The following CYFIP2 variants were observed in gnomAD, a reference collection of about 807,000 sequenced individuals.
CYFIP2 encodes the protein cytoplasmic FMR1-interacting protein 2.
In CYFIP2, 29 loss-of-function variants were observed where a neutral mutation model predicts 158.7. That is an observed-to-expected ratio of 0.18 (90% CI 0.14 to 0.25). The LOEUF (loss-of-function observed/expected upper bound fraction) is 0.25. CYFIP2 is among the 10% of genes least tolerant of loss of function. The probability of loss-of-function intolerance (pLI) is 1.00; values close to 1 mark genes in which losing one functional copy is unlikely to be tolerated. For missense variants in CYFIP2, 852 were observed against 1,639.5 expected, an observed-to-expected ratio of 0.52 and a Z score of 8.29; for synonymous variants, 585 against 617.6, an observed-to-expected ratio of 0.95 and a Z score of 0.78.
intron 23 of CYFIP2, chr5:157,343,082 A>T: frequency 6.2e-7 from 1 of 1,614,160 alleles, no homozygotes; most frequent in Non-Finnish European, 8.5e-7. Flanking sequence ...GGCCTCCTCC[A>T]TGTGGCCAGC....
At position 157,358,817 on chromosome 5, in the gene CYFIP2, C is replaced by T. The variant is rs528074005; in HGVS notation, c.2674-188C>T. On this transcript the variant is annotated intron_variant, in intron 23 of 30. Transcript: ENST00000620254. ...GTGGCTGCTCCATCTGGTGACTGTG[C>T]GCCATCCTGTAGTCACTGACCACAC... is the stretch of plus-strand genomic sequence containing the variant. Among the ~76,000 whole-genome samples, 10 of 152,264 alleles carry T rather than the reference C, an allele frequency of 6.6e-5. No individual in the cohort carries two copies. In the East Asian group the frequency reaches 1.4e-3, roughly 21 times the overall value.
At chr5:157,296,632 G>A (rs1758274339) in intron 4 of CYFIP2, 41 bp from the exon 5 acceptor site, 2 of 1,565,412 alleles carry the variant, frequency 1.3e-6, no homozygotes, top group South Asian at 1.1e-5. Context: ...TAAGACAACA[G>A]GTGTAAACCA....
At chr5:157,314,948 G>C in intron 12 of CYFIP2, 21 bp from the exon 13 acceptor site, 1 of 1,550,136 alleles carries the variant, frequency 6.5e-7, no homozygotes, top group Non-Finnish European at 8.7e-7. Flanking sequence ...TGGACGTTTG[G>C]TTTGTTCCCA....
intron 3 of CYFIP2, among the ~76,000 whole-genome samples, chr5:157,293,204 C>T (rs1026190769): frequency 5.3e-5 from 8 of 152,092 alleles, no homozygotes; most frequent in East Asian, 1.9e-4. Context: ...TGCAGGCACC[C>T]GCCACCACAC....
chr5:157,320,138 G>A (rs60824463), intron 14 of CYFIP2, among the ~76,000 whole-genome samples: 17,341 of 152,160 alleles, frequency 0.11, 1,480 homozygotes, highest in East Asian at 0.26. Flanking sequence ...ACTTGGTCAG[G>A]TTGCTGACCT....
At position 157,361,395 on chromosome 5, in the gene CYFIP2, CTCAG is replaced by C; in HGVS notation, c.2909-69_2909-66del. ...CCCAGAGTCAGGTCTGGGGCTGCCA[CTCAG>C]TCATTGTTTCCCATAGACCCTACTG... On this transcript the variant is annotated intron_variant, in intron 25 of 30. Transcript: ENST00000620254. This position sits in a 1 kb window ranked among gnomAD's most constrained non-coding sequence, Gnocchi z 4.4. 1 of 1,602,766 alleles carries C rather than the reference CTCAG, an allele frequency of 6.2e-7. No homozygotes were observed. Among genetic ancestry groups the C allele is most frequent in the East Asian group, 2.2e-5 (1 of 44,724 alleles).
chr5:157,356,495 T>C (rs1763419877), intron 23 of CYFIP2, among the ~76,000 whole-genome samples: 1 of 152,278 alleles, frequency 6.6e-6, no homozygotes, highest in African/African-American at 2.4e-5. Context: ...TGTACAGTTC[T>C]GTGAGTTTTG....
rs139952481 is a variant in CYFIP2, at chr5:157,379,071, A to C, written c.3040-3519A>C. Among the ~76,000 whole-genome samples, 433 of 152,224 alleles carry C rather than the reference A, an allele frequency of 2.8e-3. 2 individuals are homozygous for C. Among genetic ancestry groups the C allele is most frequent in the African/African-American group, 0.01 (422 of 41,522 alleles). On this transcript the variant is annotated intron_variant, in intron 26 of 30. Coordinates refer to ENST00000620254, the MANE Select transcript of CYFIP2 (RefSeq NM_001037333.3). ...AGCCTATCCTGTTTCCAGTTCTTCC[A>C]GTTACCTCCATAACACTCATGAGGG...
chr5:157,269,567 G>C (rs558375868), intron 1 of CYFIP2: 2 of 152,260 alleles, frequency 1.3e-5, no homozygotes, highest in South Asian at 4.1e-4. Context: ...CTGTCATCAT[G>C]AAAGCCTGCG....
chr5:157,379,847 C>T (rs1765877269), intron 26 of CYFIP2, among the ~76,000 whole-genome samples: 1 of 152,012 alleles, frequency 6.6e-6, no homozygotes, highest in African/African-American at 2.4e-5. Context: ...AGGGGAATTG[C>T]AAGGGACAAA....
At chr5:157,270,775 T>G (rs1756027418) in intron 1 of CYFIP2, among the ~76,000 whole-genome samples, 1 of 152,218 alleles carries the variant, frequency 6.6e-6, no homozygotes, top group Non-Finnish European at 1.5e-5. Context: ...TATGGGACCT[T>G]AGAGAAGCAT....
At chr5:157,312,449 G>GAT (rs1239615072) in intron 11 of CYFIP2, among the ~76,000 whole-genome samples, 11 of 151,500 alleles carry the variant, frequency 7.3e-5, no homozygotes, top group South Asian at 4.2e-4. Context: ...CTGGTATTTG[G>GAT]ATATATATAT....
chr5:157,350,602 G>C (rs1369080829), intron 23 of CYFIP2, among the ~76,000 whole-genome samples: 1 of 152,160 alleles, frequency 6.6e-6, no homozygotes, highest in Non-Finnish European at 1.5e-5. Flanking sequence ...TGCTTTGGCT[G>C]TGTGGGCTCT....
intron 13 of CYFIP2, among the ~76,000 whole-genome samples, chr5:157,316,846 G>A (rs1381925123): frequency 6.6e-6 from 1 of 152,160 alleles, no homozygotes; most frequent in Non-Finnish European, 1.5e-5. Flanking sequence ...AGAGATTAGA[G>A]TCGTCATCTC....
intron 3 of CYFIP2, among the ~76,000 whole-genome samples, chr5:157,288,035 G>T (rs147432533): frequency 6.6e-6 from 1 of 152,192 alleles, no homozygotes; most frequent in African/African-American, 2.4e-5. Context: ...TGAGGCTGCA[G>T]TGAGCCATGA....
intron 24 of CYFIP2, 39 bp from the exon 25 acceptor site, chr5:157,360,243 C>T: frequency 6.4e-7 from 1 of 1,565,430 alleles, no homozygotes; most frequent in East Asian, 2.2e-5. Context: ...CCGCATAGCC[C>T]AGAATTCAGC....
At chr5:157,367,772 T>TTA (rs748476018) in intron 26 of CYFIP2, among the ~76,000 whole-genome samples, 118 of 148,928 alleles carry the variant, frequency 7.9e-4, no homozygotes, top group Non-Finnish European at 1.5e-3. Flanking sequence ...TTTTTTTTTT[T>TTA]AAGACAGAGT....
chr5:157,303,026 G>C, intron 7 of CYFIP2, 136 bp downstream of exon 7: 1 of 676,462 alleles, frequency 1.5e-6, no homozygotes. Context: ...ACTTGAGAGT[G>C]AAATGTAGCT....
chr5:157,303,013 C>G (rs1433601235), intron 7 of CYFIP2, 123 bp downstream of exon 7: 2 of 724,806 alleles, frequency 2.8e-6, no homozygotes, highest in Non-Finnish European at 4.5e-6. Flanking sequence ...TCTCCACTGC[C>G]CTACTTGAGA....
Sources: allele counts gnomAD v4.1 joint callset (sites outside exome capture counted in the v4.1 genomes callset), GRCh38; gene constraint gnomAD v4.1.1; non-coding constraint Gnocchi (gnomAD v3.1); transcripts MANE v1.5; gene names NCBI Gene and HGNC (gene_info 2026-07-23, HGNC 2026-07-21).